Variants in COL18A1 observed in about 807,000 individuals in gnomAD.
COL18A1 encodes the protein collagen alpha-1(XVIII) chain.
COL18A1 carries 133 observed loss-of-function variants against 168.0 expected under a neutral mutation model. The ratio of observed to expected loss-of-function variants is 0.79; its 90% CI spans 0.69 to 0.91. The LOEUF is 0.91. Among genes scored for constraint, COL18A1 ranks in the 40% least tolerant of loss-of-function variants. The probability of loss-of-function intolerance (pLI) is 0.00; values close to 1 mark genes in which losing one functional copy is unlikely to be tolerated. For synonymous variants in COL18A1, 949 were observed against 809.0 expected (o/e 1.17, Z -2.94); for missense variants, 2,126 against 1,925.4 (o/e 1.10, Z -1.95).
At chr21:45,468,836 TGGGGTG>T in intron 3 of COL18A1, 50 bp downstream of exon 3, 1 of 631,312 alleles carries the variant, frequency 1.6e-6, no homozygotes, top group Non-Finnish European at 2.7e-6. Context: ...TGGGATGGGG[TGGGGTG>T]GGGGTGGCCA....
intron 22 of COL18A1, among the ~76,000 whole-genome samples, chr21:45,492,159 C>CGGGAGG (rs2036374930): frequency 6.6e-6 from 1 of 152,144 alleles, no homozygotes; most frequent in African/African-American, 2.4e-5. Context: ...AGACAGGCAT[C>CGGGAGG]GGGAGGCAGG....
At position 45,475,384 on chromosome 21, in the gene COL18A1, CGA is replaced by C; in HGVS notation, c.739-88_739-87del. On this transcript the variant is annotated intron_variant, in intron 4 of 41. Coordinates refer to ENST00000651438, the MANE Select transcript of COL18A1 (RefSeq NM_001379500.1). The stretch of plus-strand genomic sequence containing the variant: ...GAGGCGAGAGGGGGCCTGGAGGAGG[CGA>C]GAGCAGCGTCCTTTGCTTCCCAGGC... 3.4e-6 allele frequency: 4 copies of C among 1,174,154 alleles called. No individual in the cohort carries two copies. In the Admixed American group the frequency reaches 5.9e-5, roughly 17 times the overall value. 72.7% of individuals were successfully genotyped at this position (1,174,154 alleles called of 1,614,324 possible).
At chr21:45,497,763 A>G in intron 32 of COL18A1, 102 bp downstream of exon 32, 1 of 1,483,150 alleles carries the variant, frequency 6.7e-7, no homozygotes, top group Non-Finnish European at 9.2e-7. Context: ...CTGGACCCTC[A>G]CTGGGTGGTG....
intron 3 of COL18A1, among the ~76,000 whole-genome samples, chr21:45,470,318 C>T (rs2035364329): frequency 6.6e-6 from 1 of 151,996 alleles, no homozygotes; most frequent in African/African-American, 2.4e-5. Context: ...TCAATGGGCC[C>T]AACTCTCAGT....
At chr21:45,482,934 T>A in intron 15 of COL18A1, 113 bp downstream of exon 15, 1 of 1,510,314 alleles carries the variant, frequency 6.6e-7, no homozygotes, top group Admixed American at 1.7e-5. Flanking sequence ...CTCTTGGGGC[T>A]GGCCTTGACC....
At chr21:45,437,600 ACT>A (rs1171932029) in intron 2 of COL18A1, among the ~76,000 whole-genome samples, 2 of 74,472 alleles carry the variant, frequency 2.7e-5, no homozygotes, top group African/African-American at 1.9e-4. Flanking sequence ...ACACTCACAC[ACT>A]CAGACACACA....
chr21:45,406,382 T>C (rs2033111096), intron 2 of COL18A1, among the ~76,000 whole-genome samples: 1 of 152,260 alleles, frequency 6.6e-6, no homozygotes, highest in Non-Finnish European at 1.5e-5. Flanking sequence ...GGATGTCGTC[T>C]GGATTCCTGT....
At chr21:45,474,107 C>T (rs2236458) in intron 4 of COL18A1, 126 bp downstream of exon 4, 9,933 of 709,378 alleles carry the variant, frequency 0.014, 141 homozygotes, top group East Asian at 0.058. Context: ...GCTGCGATAC[C>T]ATTTCTGTGC....
intron 18 of COL18A1, 128 bp downstream of exon 18, chr21:45,488,572 G>A (rs976347416): frequency 2.2e-6 from 3 of 1,385,978 alleles, no homozygotes; most frequent in East Asian, 4.7e-5. Flanking sequence ...TTCATCCTGG[G>A]AAGTTTGCAA....
Position 45,490,256 on chromosome 21 carries a change from C to T in COL18A1, c.1960-19C>T, listed in dbSNP as rs1458701875. On this transcript the variant is annotated intron_variant, in intron 19 of 41. Coordinates refer to ENST00000651438, the MANE Select transcript of COL18A1 (RefSeq NM_001379500.1). ...GGGCGTGTGGCCAATGCCCTGCGTC[C>T]TCCATGTGACCCTTTCAGGGAGAAG... 1 of 1,567,538 alleles carries T rather than the reference C, an allele frequency of 6.4e-7. No homozygotes were observed. The highest frequency in any genetic ancestry group is 1.9e-5 in the Admixed American group (1 of 53,266).
chr21:45,456,898 G>T (rs1439719199), intron 2 of COL18A1: 1 of 1,423,268 alleles, frequency 7.0e-7, no homozygotes. Flanking sequence ...GGCCGGCCCC[G>T]ATCTCCCCAC....
chr21:45,506,488 A>G, intron 37 of COL18A1: 2 of 237,660 alleles, frequency 8.4e-6, no homozygotes, highest in Non-Finnish European at 1.7e-5. Context: ...CCCTTCCAGG[A>G]CAGGCCAGCC....
At chr21:45,491,929 G>C (rs1226709728) in intron 22 of COL18A1, among the ~76,000 whole-genome samples, 1 of 138,582 alleles carries the variant, frequency 7.2e-6, no homozygotes, top group East Asian at 2.1e-4. Context: ...CAGGGGTTCA[G>C]ATCCCTGCAG....
chr21:45,458,493 C>A (rs1423350597), intron 2 of COL18A1, among the ~76,000 whole-genome samples: 1 of 152,126 alleles, frequency 6.6e-6, no homozygotes, highest in Non-Finnish European at 1.5e-5. Context: ...CAGCCAGATT[C>A]CTGGGTCCCA....
intron 33 of COL18A1, 83 bp downstream of exon 33, chr21:45,504,137 C>G: frequency 6.8e-7 from 1 of 1,476,754 alleles, no homozygotes; most frequent in African/African-American, 1.4e-5. Context: ...CTCGCCCCAT[C>G]CGGCCCAAGC....
rs1439136804 is a variant in COL18A1, at chr21:45,471,027, T to C, written c.651+2241T>C. Among the ~76,000 whole-genome samples, 3 of 146,072 alleles carry C rather than the reference T, an allele frequency of 2.1e-5. No homozygotes were observed. Among genetic ancestry groups the C allele is most frequent in the African/African-American group, 2.6e-5 (1 of 39,116 alleles). On this transcript the variant is annotated intron_variant, in intron 3 of 41. Coordinates refer to ENST00000651438, the MANE Select transcript of COL18A1 (RefSeq NM_001379500.1). This position sits in a 1 kb window ranked among gnomAD's most constrained non-coding sequence, Gnocchi z 4.4. ...GGGCCTGGGTGGCGTGCTACGGGCT[T>C]GTGCTGCTGGGTGTGGGTGGCGCGC...
chr21:45,454,180 C>T (rs895125846), intron 2 of COL18A1, among the ~76,000 whole-genome samples: 3 of 152,176 alleles, frequency 2.0e-5, no homozygotes, highest in Non-Finnish European at 4.4e-5. Flanking sequence ...GGAATGCCTG[C>T]GCCTGCCCTC....
At chr21:45,442,904 GGGTGGTGGT>G (rs1445757308) in intron 2 of COL18A1, among the ~76,000 whole-genome samples, 3 of 136,362 alleles carry the variant, frequency 2.2e-5, no homozygotes, top group African/African-American at 9.0e-5. Context: ...GTGCTGATGT[GGGTGGTGGT>G]GCTGGTGTGG....
chr21:45,408,338 C>T (rs946951112), intron 2 of COL18A1: 10 of 152,276 alleles, frequency 6.6e-5, no homozygotes, highest in African/African-American at 2.4e-4. Flanking sequence ...TACATGCACA[C>T]ACACACAAAA....
Sources: gnomAD v4.1 joint callset for allele counts (sites outside exome capture counted in the v4.1 genomes callset) on GRCh38, gnomAD v4.1.1 for gene constraint, Gnocchi (gnomAD v3.1) non-coding constraint, MANE v1.5 for transcripts, NCBI Gene and HGNC (gene_info 2026-07-23, HGNC 2026-07-21) for gene names.